The following ZNF648 variants were observed in gnomAD, a reference collection of about 807,000 sequenced individuals.
ZNF648 encodes the protein zinc finger protein 648.
Under a neutral mutation model 0.3 loss-of-function variants are expected in ZNF648, and 1 was observed. The observed-to-expected ratio is 3.90, with a 90% CI of 1.39 to 18.51. ZNF648 has a LOEUF of 18.51. Ranked by LOEUF, ZNF648 falls within the 30% of genes most tolerant of loss-of-function variation. ZNF648 has a pLI of 0.11. For synonymous variants in ZNF648, 376 were observed against 326.8 expected, an observed-to-expected ratio of 1.15 and a Z score of -1.62; for missense variants, 874 against 769.7, an observed-to-expected ratio of 1.14 and a Z score of -1.60.
the ZNF648 span, chr1:182,068,406 C>G: frequency 6.6e-6 from 1 of 152,196 alleles, no homozygotes; most frequent in Non-Finnish European, 1.5e-5. Flanking sequence ...TAGTGAGCCA[C>G]AACCAACATT....
At chr1:182,066,593 G>A (rs1346388382), upstream of ZNF648, among the ~76,000 whole-genome samples, 1 of 152,172 alleles carries the variant, frequency 6.6e-6, no homozygotes, top group Non-Finnish European at 1.5e-5. Context: ...AATTGGACAG[G>A]AACTCAGTAC....
Position 182,056,122 on chromosome 1 carries a change from A to C in ZNF648, c.*182T>G. On this transcript the variant is annotated 3_prime_UTR_variant, in exon 2 of 2. Coordinates refer to ENST00000339948, the MANE Select transcript of ZNF648 (RefSeq NM_001009992.1). Reference sequence around the variant, plus strand: ...CGGACACTCAGAACCACTGATGTGAAACCACCCACCTGGGTGCTCTCTCGG... The same window carrying C: ...CGGACACTCAGAACCACTGATGTGACACCACCCACCTGGGTGCTCTCTCGG... The C allele has an allele frequency of 1.3e-6, 1 of 797,330 alleles. No homozygotes were observed. Among genetic ancestry groups the C allele is most frequent in the Non-Finnish European group, 1.9e-6 (1 of 521,064 alleles). The allele number at this position is 797,330 out of a possible 1,614,324, so 49.4% of individuals were successfully genotyped here.
At chr1:182,060,853 A>G (rs1436580125) in intron 1 of ZNF648, among the ~76,000 whole-genome samples, 1 of 152,116 alleles carries the variant, frequency 6.6e-6, no homozygotes, top group Non-Finnish European at 1.5e-5. Flanking sequence ...ACGACAACAT[A>G]CTGCCTGTTT....
At chr1:182,068,651 C>T in the ZNF648 span, among the ~76,000 whole-genome samples, 1 of 152,144 alleles carries the variant, frequency 6.6e-6, no homozygotes, top group Non-Finnish European at 1.5e-5. Flanking sequence ...TGCAGTGGCT[C>T]ATGCCTGTAA....
chr1:182,058,075 T>C lies in ZNF648; in HGVS notation c.-63-2A>G. ...AGTATCCTGCTTGGCTCAGGATACC[T>C]GCAAAAAGAAAAGTACGAAGAGAAA... On this transcript the variant is annotated splice_acceptor_variant, in intron 1 of 1. Transcript: ENST00000339948. LOFTEE classifies it low-confidence loss of function (5UTR_SPLICE). The C allele has an allele frequency of 6.6e-7, 1 of 1,510,434 alleles. No homozygotes were observed. Among genetic ancestry groups the C allele is most frequent in the African/African-American group, 1.4e-5 (1 of 71,558 alleles). 93.6% of individuals were successfully genotyped at this position (1,510,434 alleles called of 1,614,324 possible). A position where few individuals can be genotyped will look rare whatever the true frequency, so the allele number is the denominator to read the frequency against.
rs1343792704 is a variant in ZNF648 at position 182,054,969 on chromosome 1, T to C, written c.*1335A>G. 1 of 152,220 alleles carries C rather than the reference T, an allele frequency of 6.6e-6. No individual in the cohort carries two copies. The highest frequency in any genetic ancestry group is 1.5e-5 in the Non-Finnish European group (1 of 68,028). The allele number at this position is 152,220 out of a possible 1,614,324, so 9.4% of individuals were successfully genotyped here. On this transcript the variant is annotated 3_prime_UTR_variant, in exon 2 of 2. Transcript: ENST00000339948. ...CAAATCAGGTGGAAACCAAGAGAAA[T>C]TCAGATTTGGCATTCTTTGGTGGCA...
At chr1:182,064,795 C>G (rs533983810), upstream of ZNF648, 3 of 152,314 alleles carry the variant, frequency 2.0e-5, no homozygotes, top group East Asian at 5.8e-4. Flanking sequence ...TAGCCCGCAT[C>G]CCAACATGGT....
At position 182,056,903 on chromosome 1, in the gene ZNF648, C is replaced by A. The variant is rs776389729; in HGVS notation, c.1108G>T (p.Gly370Cys). ...NNKPFPCSEC[G>C]LTFNKPLSLL... ...GACAGCGGCTTGTTGAAGGTCAGGC[C>A]GCACTCGGAGCACGGGAAGGGCTTA... is the stretch of plus-strand genomic sequence containing the variant. The change falls in exon 2 of 2, where the codon GGC becomes TGC. Residue 370 changes from glycine to cysteine, a missense_variant. Coordinates refer to ENST00000339948, the MANE Select transcript of ZNF648 (RefSeq NM_001009992.1). 6.3e-7 allele frequency: 1 copy of A among 1,592,196 alleles called. No homozygotes were observed. The highest frequency in any genetic ancestry group is 1.1e-5 in the South Asian group (1 of 88,806).
At chr1:182,068,251 C>G in the ZNF648 span, 2 of 152,152 alleles carry the variant, frequency 1.3e-5, no homozygotes, top group African/African-American at 4.8e-5. Context: ...TCTAGTGCAG[C>G]CCCTCTGTTT....
Position 182,056,860 on chromosome 1 carries a change from C to G in ZNF648, c.1151G>C (p.Arg384Pro). 1 of 1,564,706 alleles carries G rather than the reference C, an allele frequency of 6.4e-7. No homozygotes were observed. Among genetic ancestry groups the G allele is most frequent in the Non-Finnish European group, 8.7e-7 (1 of 1,154,772 alleles). Residue 384 changes from arginine (R) to proline (P), a missense_variant, in exon 2 of 2, where the codon CGC becomes CCC. Arg to Pro is a moderately radical substitution (Grantham distance 103). Coordinates refer to ENST00000339948, the MANE Select transcript of ZNF648 (RefSeq NM_001009992.1). ...GAAGGGCTTGGCGCCCAGGTGCGTGCGCTGGTGGCGCAGCAGCGACAGCGG... is the reference window on the plus strand; with the variant it reads ...GAAGGGCTTGGCGCCCAGGTGCGTGGGCTGGTGGCGCAGCAGCGACAGCGG... ...NKPLSLLRHQRTHLGAKPFRC... is the reference protein window; with the variant it reads ...NKPLSLLRHQPTHLGAKPFRC...
upstream of ZNF648, chr1:182,063,703 T>C (rs1394476084): frequency 6.6e-6 from 1 of 152,264 alleles, no homozygotes; most frequent in African/African-American, 2.4e-5. Flanking sequence ...AGAAGCTCAT[T>C]AGTTTAATTC....
Position 182,056,865 on chromosome 1 carries a change from G to C in ZNF648, c.1146C>G (p.His382Gln), listed in dbSNP as rs554826947. The change falls in exon 2 of 2, where the codon CAC becomes CAG. Residue 382 changes from histidine (H) to glutamine (Q), a missense_variant. Physicochemically the swap from His to Gln is conservative, Grantham distance 24. Transcript: ENST00000339948. ...TFNKPLSLLR[H>Q]QRTHLGAKPF... ...GCTTGGCGCCCAGGTGCGTGCGCTG[G>C]TGGCGCAGCAGCGACAGCGGCTTGT... 7.0e-6 allele frequency: 11 copies of C among 1,568,564 alleles called. No homozygotes were observed. The East Asian group carries it at 1.9e-4, about 27-fold the overall frequency.
Position 182,056,145 on chromosome 1 carries a change from C to T in ZNF648, c.*159G>A. On this transcript the variant is annotated 3_prime_UTR_variant, in exon 2 of 2. Coordinates refer to ENST00000339948, the MANE Select transcript of ZNF648 (RefSeq NM_001009992.1). ...GAAACCACCCACCTGGGTGCTCTCT[C>T]GGTGGTGACTTTCTGTTCAAGGGAT... 1 of 1,014,564 alleles carries T rather than the reference C, an allele frequency of 9.9e-7. No homozygotes were observed. The highest frequency in any genetic ancestry group is 2.6e-5 in the East Asian group (1 of 38,202). The allele number at this position is 1,014,564 out of a possible 1,614,324, so 62.8% of individuals were successfully genotyped here. A position where few individuals can be genotyped will look rare whatever the true frequency, so the allele number is the denominator to read the frequency against.
upstream of ZNF648, among the ~76,000 whole-genome samples, chr1:182,065,776 G>A (rs1313526061): frequency 2.0e-5 from 3 of 152,202 alleles, no homozygotes; most frequent in Non-Finnish European, 4.4e-5. Flanking sequence ...CTAATGAGTG[G>A]CACATAGTGG....
At chr1:182,060,898 G>T (rs972915577) in intron 1 of ZNF648, among the ~76,000 whole-genome samples, 4 of 151,992 alleles carry the variant, frequency 2.6e-5, no homozygotes, top group African/African-American at 9.7e-5. Context: ...GACTTTACCC[G>T]CTCCCCACCC....
rs776836246 is a variant in ZNF648, at chr1:182,056,651, C to A, written c.1360G>T (p.Gly454Cys). ...GQRPFKCADC[G>C]VAFAQPSRLV... is the part of the protein sequence containing the mutation. ...CGCGAGGGCTGCGCGAAGGCCACGC[C>A]GCAGTCAGCGCACTTGAAAGGCCTC... The change falls in exon 2 of 2, where the codon GGC becomes TGC. Residue 454 changes from glycine to cysteine, a missense_variant. By Grantham distance (159) the Gly-to-Cys change is radical. Transcript: ENST00000339948. The A allele has an allele frequency of 1.7e-5, 28 of 1,608,072 alleles. No homozygotes were observed. The East Asian group carries it at 3.8e-4, about 22-fold the overall frequency.
At chr1:182,066,765 A>G in the ZNF648 span, among the ~76,000 whole-genome samples, 4 of 152,244 alleles carry the variant, frequency 2.6e-5, no homozygotes, top group Non-Finnish European at 5.9e-5. Flanking sequence ...ACCACATTTT[A>G]AAAGCATTTG....
intron 1 of ZNF648, 92 bp downstream of exon 1, chr1:182,061,476 C>A (rs1666030363): frequency 6.6e-6 from 1 of 152,590 alleles, no homozygotes; most frequent in Non-Finnish European, 1.5e-5. Flanking sequence ...GTACTGAAGT[C>A]CATCCTAGGC....
chr1:182,057,695 C>A lies in ZNF648; in HGVS notation c.316G>T (p.Asp106Tyr). ...TGGGTCTCGTTGATCTTTGTCACAT[C>A]TCTGCTCCAACTGGCTTTCCCAGAC... is the stretch of plus-strand genomic sequence containing the variant. ...EMSGKASWSR[D>Y]VTKINETQGS... Residue 106 changes from aspartate (D) to tyrosine (Y), a missense_variant, in exon 2 of 2, where the codon GAT (aspartate) becomes TAT (tyrosine). Asp to Tyr is a radical substitution (Grantham distance 160). Coordinates refer to ENST00000339948, the MANE Select transcript of ZNF648 (RefSeq NM_001009992.1). 6.2e-7 allele frequency: 1 copy of A among 1,614,234 alleles called. No homozygotes were observed. The highest frequency in any genetic ancestry group is 1.1e-5 in the South Asian group (1 of 91,090).
Sources: gnomAD v4.1 joint callset for allele counts (sites outside exome capture counted in the v4.1 genomes callset) on GRCh38, gnomAD v4.1.1 for gene constraint, MANE v1.5 for transcripts, NCBI Gene and HGNC (gene_info 2026-07-23, HGNC 2026-07-21) for gene names.